The following SLC39A11 variants were observed in gnomAD, a reference collection of about 807,000 sequenced individuals.
The protein encoded by SLC39A11 is solute carrier family 39 member 11.
SLC39A11 carries 33 observed loss-of-function variants against 36.1 expected under a neutral mutation model. The ratio of observed to expected loss-of-function variants is 0.91; its 90% CI spans 0.69 to 1.22. The LOEUF is 1.22. SLC39A11 is among the 50% of genes most tolerant of loss of function. The pLI is 0.00. For missense variants in SLC39A11, 432 were observed against 430.3 expected (o/e 1.00, Z -0.03); for synonymous variants, 166 against 170.3 (o/e 0.97, Z 0.20).
intron 4 of SLC39A11, among the ~76,000 whole-genome samples, chr17:72,988,960 G>C (rs373501173): frequency 6.6e-6 from 1 of 152,074 alleles, no homozygotes. Context: ...CCTGTCATCC[G>C]AGCACTTTGG....
chr17:72,911,445 G>A (rs894063812), intron 5 of SLC39A11, among the ~76,000 whole-genome samples: 16 of 151,518 alleles, frequency 1.1e-4, no homozygotes, highest in Non-Finnish European at 2.1e-4. Context: ...ACACAAAAAC[G>A]TTCTCTTTTT....
chr17:72,920,174 G>T (rs934852231), intron 5 of SLC39A11, among the ~76,000 whole-genome samples: 1 of 152,032 alleles, frequency 6.6e-6, no homozygotes. Flanking sequence ...TCAACAGGGG[G>T]ATAAGGGAAA....
chr17:72,986,229 C>T (rs1243726451), intron 4 of SLC39A11, among the ~76,000 whole-genome samples: 2 of 152,156 alleles, frequency 1.3e-5, no homozygotes, highest in Admixed American at 6.5e-5. Flanking sequence ...CCAGGGTCCC[C>T]CAGAAGCCTG....
chr17:72,925,101 T>C (rs1176218006), intron 5 of SLC39A11, among the ~76,000 whole-genome samples: 1 of 151,840 alleles, frequency 6.6e-6, no homozygotes, highest in East Asian at 1.9e-4. Flanking sequence ...TCTCATGCTG[T>C]CCAGTGGAAT....
intron 6 of SLC39A11, among the ~76,000 whole-genome samples, chr17:72,743,393 C>T (rs1437686211): frequency 1.3e-5 from 2 of 152,180 alleles, no homozygotes; most frequent in African/African-American, 4.8e-5. Context: ...CATCCTGTAC[C>T]TCAGGCCAGG....
At chr17:72,870,119 G>A (rs2080531400) in intron 5 of SLC39A11, among the ~76,000 whole-genome samples, 1 of 151,750 alleles carries the variant, frequency 6.6e-6, no homozygotes, top group South Asian at 2.1e-4. Flanking sequence ...GCTCAAGGCA[G>A]GGAAGGAATC....
rs572743458 is a variant in SLC39A11 at position 72,765,942 on chromosome 17, T to C, written c.602-29223A>G. Reference sequence around the variant, plus strand: ...CAGGCTCCTCCAGGGGCCAGCTGAGTAATGATCTACAGTCGGCGGATAGAG... The same window carrying C: ...CAGGCTCCTCCAGGGGCCAGCTGAGCAATGATCTACAGTCGGCGGATAGAG... On this transcript the variant is annotated intron_variant, in intron 6 of 9. Coordinates refer to ENST00000255559, the MANE Select transcript of SLC39A11 (RefSeq NM_139177.4). 1.1e-4 allele frequency among the ~76,000 whole-genome samples: 17 copies of C among 152,198 alleles called. No individual in the cohort carries two copies. In the South Asian group the frequency reaches 3.1e-3, roughly 28 times the overall value.
chr17:73,006,648 G>A lies in SLC39A11; in HGVS notation c.306+24908C>T, dbSNP rs996401390. 7.4e-5 allele frequency among the ~76,000 whole-genome samples: 6 copies of A among 81,114 alleles called. No homozygotes were observed. The East Asian group carries it at 1.8e-3, about 24-fold the overall frequency. The allele number at this position is 81,114 out of a possible 152,430, so 53.2% of individuals were successfully genotyped here. A position where few individuals can be genotyped will look rare whatever the true frequency, so the allele number is the denominator to read the frequency against. On this transcript the variant is annotated intron_variant, in intron 4 of 9. Coordinates refer to ENST00000255559, the MANE Select transcript of SLC39A11 (RefSeq NM_139177.4). ...GGGTGCTTTACTTAGAATTCAGTTT[G>A]TAAACACACACACACACACACACAC... is the stretch of plus-strand genomic sequence containing the variant.
chr17:72,799,486 A>G (rs1415587208), intron 6 of SLC39A11, among the ~76,000 whole-genome samples: 1 of 152,178 alleles, frequency 6.6e-6, no homozygotes, highest in East Asian at 1.9e-4. Context: ...GCCTATAAAC[A>G]GACGTGCAAG....
chr17:72,687,189 G>A (rs2071794781), intron 7 of SLC39A11, among the ~76,000 whole-genome samples: 1 of 152,052 alleles, frequency 6.6e-6, no homozygotes, highest in African/African-American at 2.4e-5. Flanking sequence ...ATCATGCCTG[G>A]TTAGTTTTTT....
At chr17:72,916,645 C>T (rs1372573638) in intron 5 of SLC39A11, among the ~76,000 whole-genome samples, 2 of 152,192 alleles carry the variant, frequency 1.3e-5, no homozygotes, top group Non-Finnish European at 2.9e-5. Context: ...TGGGCAGGAA[C>T]CCAACAGTCA....
At chr17:72,847,277 T>C (rs543355581) in intron 6 of SLC39A11, among the ~76,000 whole-genome samples, 1 of 152,020 alleles carries the variant, frequency 6.6e-6, no homozygotes, top group East Asian at 1.9e-4. Flanking sequence ...ATGGCACACA[T>C]CTTTAATCCC....
Position 72,934,127 on chromosome 17 carries a change from GA to G in SLC39A11, c.430+13624del, listed in dbSNP as rs900919612. Among the ~76,000 whole-genome samples, 704 of 140,920 alleles carry G rather than the reference GA, an allele frequency of 5.0e-3. 4 individuals carry two copies. The highest frequency in any genetic ancestry group is 0.017 in the African/African-American group (655 of 38,500). The allele number at this position is 140,920 out of a possible 152,430, so 92.4% of individuals were successfully genotyped here. On this transcript the variant is annotated intron_variant, in intron 5 of 9. Transcript: ENST00000255559. ...TTAAATGTAAAACGTAAAACTTTTAGAAAAAAAAAATAGGAGAAAACCTTTG... is the reference window on the plus strand; with the variant it reads ...TTAAATGTAAAACGTAAAACTTTTAGAAAAAAAAATAGGAGAAAACCTTTG...
chr17:72,881,910 T>C (rs2081210551), intron 5 of SLC39A11, among the ~76,000 whole-genome samples: 1 of 152,234 alleles, frequency 6.6e-6, no homozygotes, highest in African/African-American at 2.4e-5. Context: ...TTTTACTAAA[T>C]ATGAAGGTGT....
chr17:72,854,875 T>G (rs2079555163), intron 5 of SLC39A11, among the ~76,000 whole-genome samples: 1 of 152,196 alleles, frequency 6.6e-6, no homozygotes, highest in Non-Finnish European at 1.5e-5. Flanking sequence ...TCTTTTCTGA[T>G]GCATCCGCTT....
At chr17:72,653,268 CT>C (rs2069942612) in intron 7 of SLC39A11, among the ~76,000 whole-genome samples, 1 of 151,376 alleles carries the variant, frequency 6.6e-6, no homozygotes, top group African/African-American at 2.4e-5. Context: ...CCACACCCCC[CT>C]ATTTTTTTTT....
intron 4 of SLC39A11, 116 bp from the exon 5 acceptor site, chr17:72,947,991 G>A (rs2085544319): frequency 3.0e-6 from 4 of 1,353,472 alleles, no homozygotes; most frequent in Non-Finnish European, 4.1e-6. Flanking sequence ...CGCCACAGCT[G>A]AGCCAGTCCT....
intron 4 of SLC39A11, among the ~76,000 whole-genome samples, chr17:72,997,160 G>A (rs1380703768): frequency 6.6e-6 from 1 of 152,016 alleles, no homozygotes; most frequent in Non-Finnish European, 1.5e-5. Flanking sequence ...AGATTTTGGG[G>A]TTGTCATGCA....
intron 7 of SLC39A11, among the ~76,000 whole-genome samples, chr17:72,731,623 T>A (rs533328726): frequency 6.6e-6 from 1 of 152,176 alleles, no homozygotes; most frequent in Admixed American, 6.6e-5. Context: ...AGTTCCTGTG[T>A]ACCCTGCCCT....
Sources: allele counts gnomAD v4.1 joint callset (sites outside exome capture counted in the v4.1 genomes callset), GRCh38; gene constraint gnomAD v4.1.1; transcripts MANE v1.5; gene names NCBI Gene and HGNC (gene_info 2026-07-23, HGNC 2026-07-21).